NDST4: variants seen among roughly 807,000 people sequenced by gnomAD.
The protein encoded by NDST4 is N-deacetylase and N-sulfotransferase 4.
Under a neutral mutation model 100.8 loss-of-function variants are expected in NDST4, and 63 were observed. The ratio of observed to expected loss-of-function variants is 0.62; its 90% CI spans 0.51 to 0.77. The LOEUF is 0.77. NDST4 is among the 30% of genes least tolerant of loss of function. The pLI is 0.00. For synonymous variants in NDST4, 377 were observed against 361.8 expected (o/e 1.04, Z -0.48); for missense variants, 943 against 1,018.4 (o/e 0.93, Z 1.01).
intron 1 of NDST4, among the ~76,000 whole-genome samples, chr4:115,095,713 G>T (rs942628284): frequency 6.6e-6 from 1 of 151,960 alleles, no homozygotes; most frequent in African/African-American, 2.4e-5. Context: ...ATAATTATTG[G>T]TAATAAAGAT....
At chr4:114,842,618 T>TAAAAAGAA (rs1723450928) in intron 10 of NDST4, 1 of 38,874 alleles carries the variant, frequency 2.6e-5, no homozygotes, top group Non-Finnish European at 4.8e-5. Flanking sequence ...CAGTCTCTAC[T>TAAAAAGAA]AAAAAAAAAA....
chr4:115,064,913 A>G (rs1400994818), intron 2 of NDST4, among the ~76,000 whole-genome samples: 1 of 152,156 alleles, frequency 6.6e-6, no homozygotes, highest in Non-Finnish European at 1.5e-5. Flanking sequence ...ATTGTTTCAG[A>G]AGACAAATAT....
intron 6 of NDST4, among the ~76,000 whole-genome samples, chr4:114,930,650 C>G (rs1435984975): frequency 6.6e-6 from 1 of 152,072 alleles, no homozygotes; most frequent in Non-Finnish European, 1.5e-5. Flanking sequence ...TAAGTATAAG[C>G]CTTTCTTCCA....
intron 2 of NDST4, among the ~76,000 whole-genome samples, chr4:115,060,005 CA>C (rs1728784841): frequency 6.6e-6 from 1 of 151,974 alleles, no homozygotes; most frequent in African/African-American, 2.4e-5. Context: ...TCTGTTTTCT[CA>C]GATAGTTCCC....
intron 6 of NDST4, among the ~76,000 whole-genome samples, chr4:114,886,673 G>A (rs1281628063): frequency 1.3e-5 from 2 of 152,064 alleles, no homozygotes; most frequent in East Asian, 3.9e-4. Context: ...GTTTTTGATA[G>A]ATGGGAAAAT....
At chr4:114,959,748 GA>G (rs556260730) in intron 4 of NDST4, among the ~76,000 whole-genome samples, 115 of 152,062 alleles carry the variant, frequency 7.6e-4, no homozygotes, top group Non-Finnish European at 1.4e-3. Context: ...GAATAAAGAG[GA>G]AAAAAGTAGG....
intron 2 of NDST4, among the ~76,000 whole-genome samples, chr4:115,000,036 G>T (rs1727252088): frequency 6.6e-6 from 1 of 151,936 alleles, no homozygotes; most frequent in East Asian, 1.9e-4. Flanking sequence ...ACGAACAACT[G>T]TTATTCTATG....
intron 6 of NDST4, 133 bp from the exon 7 acceptor site, chr4:114,871,083 C>T (rs1724138893): frequency 1.8e-6 from 1 of 551,090 alleles, no homozygotes; most frequent in African/African-American, 2.0e-5. Flanking sequence ...AAGTGGAAAG[C>T]CACACATTTA....
chr4:114,852,915 T>A, intron 7 of NDST4, 94 bp from the exon 8 acceptor site: 1 of 788,466 alleles, frequency 1.3e-6, no homozygotes. Flanking sequence ...AATTCTGGCC[T>A]AATACCTTAG....
rs552734136 is a variant in NDST4, at chr4:114,859,480, A to G, written c.1720-6659T>C. Among the ~76,000 whole-genome samples the G allele has an allele frequency of 1.1e-3, 162 of 152,274 alleles. 1 individual carries two copies. Among genetic ancestry groups the G allele is most frequent in the African/African-American group, 3.7e-3 (154 of 41,554 alleles). On this transcript the variant is annotated intron_variant, in intron 7 of 13. Transcript: ENST00000264363. ...GGTTGGAGTGAACATAACAAATGAA[A>G]CTGAGCGTGTACAGAGTAGAGTGTG...
chr4:114,937,168 G>T, intron 5 of NDST4, 150 bp downstream of exon 5: 1 of 826,208 alleles, frequency 1.2e-6, no homozygotes, highest in Non-Finnish European at 1.9e-6. Flanking sequence ...ATGGGTTAAT[G>T]CATAACCAGT....
In NDST4 at chr4:115,021,535, TCC is replaced by T. The variant is rs1177781534; in HGVS notation, c.979-44263_979-44262del. Among the ~76,000 whole-genome samples, 90 of 97,436 alleles carry T rather than the reference TCC, an allele frequency of 9.2e-4. 9 individuals carry two copies. Among genetic ancestry groups the T allele is most frequent in the Non-Finnish European group, 1.6e-3 (76 of 48,036 alleles). The allele number at this position is 97,436 out of a possible 152,430, so 63.9% of individuals were successfully genotyped here. ...ATACACATTCCATATATACACACGTTCCACATATACACATTCCATATATACAC... is the reference window on the plus strand; with the variant it reads ...ATACACATTCCATATATACACACGTTACATATACACATTCCATATATACAC... On this transcript the variant is annotated intron_variant, in intron 2 of 13. Coordinates refer to ENST00000264363, the MANE Select transcript of NDST4 (RefSeq NM_022569.3).
At chr4:114,862,676 A>G (rs1010310008) in intron 7 of NDST4, among the ~76,000 whole-genome samples, 1 of 152,168 alleles carries the variant, frequency 6.6e-6, no homozygotes, top group Non-Finnish European at 1.5e-5. Context: ...CTGGTGAAAT[A>G]AAATGTTCAC....
intron 4 of NDST4, among the ~76,000 whole-genome samples, chr4:114,962,512 C>CA (rs1191200349): frequency 6.6e-6 from 1 of 151,580 alleles, no homozygotes; most frequent in Non-Finnish European, 1.5e-5. Flanking sequence ...TACTTCTATA[C>CA]AAAAAATTAA....
At chr4:115,045,692 C>T (rs941203846) in intron 2 of NDST4, among the ~76,000 whole-genome samples, 11 of 152,272 alleles carry the variant, frequency 7.2e-5, no homozygotes, top group East Asian at 1.9e-4. Context: ...ACACCTGCAC[C>T]TAACATGGGT....
chr4:114,960,982 TAAAG>T (rs1453393929), intron 4 of NDST4, among the ~76,000 whole-genome samples: 2 of 152,050 alleles, frequency 1.3e-5, no homozygotes, highest in Admixed American at 6.6e-5. Context: ...TGTGCAATAA[TAAAG>T]AAGGAAGGAG....
chr4:114,989,196 C>G (rs1269726547), intron 2 of NDST4, among the ~76,000 whole-genome samples: 2 of 152,176 alleles, frequency 1.3e-5, no homozygotes, highest in Admixed American at 1.3e-4. Flanking sequence ...TGAAAGAGAA[C>G]AGCAATACCA....
chr4:115,077,223 T>A lies in NDST4; in HGVS notation c.-187A>T. Reference sequence around the variant, plus strand: ...AGGCAATAGATGGGAAGGATATACGTTGAGGAGATTTTGAATATGTCCAAT... The same window carrying A: ...AGGCAATAGATGGGAAGGATATACGATGAGGAGATTTTGAATATGTCCAAT... On this transcript the variant is annotated 5_prime_UTR_variant, in exon 2 of 14. Coordinates refer to ENST00000264363, the MANE Select transcript of NDST4 (RefSeq NM_022569.3). 1 of 545,436 alleles carries A rather than the reference T, an allele frequency of 1.8e-6. No homozygotes were observed. The highest frequency in any genetic ancestry group is 3.2e-6 in the Non-Finnish European group (1 of 311,422). 33.8% of individuals were successfully genotyped at this position (545,436 alleles called of 1,614,324 possible).
At position 115,099,133 on chromosome 4, in the gene NDST4, C is replaced by T. The variant is rs115369487; in HGVS notation, c.-247+14311G>A. On this transcript the variant is annotated intron_variant, in intron 1 of 13. Coordinates refer to ENST00000264363, the MANE Select transcript of NDST4 (RefSeq NM_022569.3). ...AGTGATTTACACACAGACTTTACAACCTTTTTAATAATTAACTCAAGTGAA... is the reference window on the plus strand; with the variant it reads ...AGTGATTTACACACAGACTTTACAATCTTTTTAATAATTAACTCAAGTGAA... Among the ~76,000 whole-genome samples the T allele has an allele frequency of 2.5e-3, 380 of 152,202 alleles. 2 individuals carry two copies. Among genetic ancestry groups the T allele is most frequent in the Non-Finnish European group, 3.6e-3 (246 of 68,006 alleles).
Sources: gnomAD v4.1 joint callset for allele counts (sites outside exome capture counted in the v4.1 genomes callset) on GRCh38, gnomAD v4.1.1 for gene constraint, MANE v1.5 for transcripts, NCBI Gene and HGNC (gene_info 2026-07-23, HGNC 2026-07-21) for gene names.